The following IL1RAPL2 variants were observed in gnomAD, a reference collection of about 807,000 sequenced individuals.
The protein encoded by IL1RAPL2 is X-linked interleukin-1 receptor accessory protein-like 2.
A neutral mutation model predicts 44.1 loss-of-function variants in IL1RAPL2; 3 were observed. That is an observed-to-expected ratio of 0.07 (90% CI 0.03 to 0.18). The LOEUF (loss-of-function observed/expected upper bound fraction) is 0.18. IL1RAPL2 is among the 10% of genes least tolerant of loss of function. The pLI is 1.00. For missense variants in IL1RAPL2, 391 were observed against 496.4 expected (o/e 0.79, Z 2.02); for synonymous variants, 181 against 178.8 (o/e 1.01, Z -0.10).
intron 2 of IL1RAPL2, among the ~76,000 whole-genome samples, chrX:105,047,721 G>A (rs1378038810): frequency 9.0e-6 from 1 of 111,589 alleles, no homozygotes; most frequent in Non-Finnish European, 1.9e-5. Context: ...AAGCAGGCTA[G>A]GTAGTCTCCT....
intron 1 of IL1RAPL2, among the ~76,000 whole-genome samples, chrX:104,585,506 G>A (rs952486940): frequency 1.1e-5 from 1 of 88,515 alleles, no homozygotes; most frequent in Admixed American, 1.5e-4. Flanking sequence ...GTAAACTTGT[G>A]CCATGGAGGT....
In IL1RAPL2 at chrX:105,267,377, T is replaced by C; in HGVS notation, c.544-11T>C. ...CTATTTTTTGCTTACTTGCAAATATTTTATCTGCAGGAATGCAAGCCAAAA... is the reference window on the plus strand; with the variant it reads ...CTATTTTTTGCTTACTTGCAAATATCTTATCTGCAGGAATGCAAGCCAAAA... On this transcript the variant is annotated splice_polypyrimidine_tract_variant and intron_variant, in intron 4 of 10. Coordinates refer to ENST00000372582, the MANE Select transcript of IL1RAPL2 (RefSeq NM_017416.2). 8.4e-7 allele frequency: 1 copy of C among 1,190,733 alleles called. No homozygotes were observed. Among genetic ancestry groups the C allele is most frequent in the East Asian group, 3.0e-5 (1 of 33,354 alleles).
At chrX:105,347,460 C>T (rs1269666502) in intron 5 of IL1RAPL2, among the ~76,000 whole-genome samples, 1 of 111,335 alleles carries the variant, frequency 9.0e-6, no homozygotes, top group African/African-American at 3.3e-5. Context: ...GAGCTTTGCA[C>T]AGTGCCTAGT....
chrX:104,805,489 TTGAAA>T (rs954763112), intron 2 of IL1RAPL2, among the ~76,000 whole-genome samples: 6 of 111,864 alleles, frequency 5.4e-5, no homozygotes, highest in African/African-American at 2.0e-4. Context: ...AGTACATTTA[TTGAAA>T]TGAAATGAGT....
At chrX:105,271,172 T>A (rs2034443608) in intron 5 of IL1RAPL2, among the ~76,000 whole-genome samples, 1 of 112,377 alleles carries the variant, frequency 8.9e-6, no homozygotes, top group African/African-American at 3.2e-5. Flanking sequence ...TAGTTAGCTT[T>A]CTTTCTGCAT....
rs192568000 is a variant in IL1RAPL2 at position 104,731,681 on chromosome X, G to C, written c.82+72686G>C. Reference sequence around the variant, plus strand: ...GCCTCCCAAAGTGCTAGGATTAAAGGTGTGGGCCTTTAAAGGCGCCTGGCC... The same window carrying C: ...GCCTCCCAAAGTGCTAGGATTAAAGCTGTGGGCCTTTAAAGGCGCCTGGCC... On this transcript the variant is annotated intron_variant, in intron 2 of 10. Transcript: ENST00000372582. Among the ~76,000 whole-genome samples, 8 of 111,759 alleles carry C rather than the reference G, an allele frequency of 7.2e-5. No homozygotes were observed. In the East Asian group the frequency reaches 2.3e-3, roughly 32 times the overall value.
At chrX:105,270,418 G>A (rs1002004009) in intron 5 of IL1RAPL2, among the ~76,000 whole-genome samples, 32 of 111,524 alleles carry the variant, frequency 2.9e-4, no homozygotes, top group Non-Finnish European at 4.0e-4. Context: ...GGGTAAAAGC[G>A]ACTTCAACTA....
intron 2 of IL1RAPL2, among the ~76,000 whole-genome samples, chrX:105,166,250 C>T (rs772305834): frequency 9.0e-6 from 1 of 111,512 alleles, no homozygotes; most frequent in African/African-American, 3.3e-5. Context: ...GACAAAGGCC[C>T]ATATATTATT....
In IL1RAPL2 at chrX:104,579,423, A is replaced by G. The variant is rs1305942036; in HGVS notation, c.-20+12372A>G. ...GGAATACTATGCAGCCATAAAAAAG[A>G]ATGAAATCATGTCCTTTGCACCAAC... is the stretch of plus-strand genomic sequence containing the variant. On this transcript the variant is annotated intron_variant, in intron 1 of 10. Coordinates refer to ENST00000372582, the MANE Select transcript of IL1RAPL2 (RefSeq NM_017416.2). 3.6e-5 allele frequency among the ~76,000 whole-genome samples: 4 copies of G among 112,330 alleles called. No homozygotes were observed. The East Asian group carries it at 1.1e-3, about 32-fold the overall frequency.
intron 9 of IL1RAPL2, 91 bp downstream of exon 9, chrX:105,749,194 G>A (rs2038576485): frequency 1.1e-6 from 1 of 912,649 alleles, no homozygotes; most frequent in Non-Finnish European, 1.5e-6. Context: ...AGTATAAGCT[G>A]AAATATTTAG....
intron 2 of IL1RAPL2, among the ~76,000 whole-genome samples, chrX:105,094,955 C>A (rs2032587365): frequency 1.8e-5 from 2 of 110,916 alleles, no homozygotes; most frequent in Non-Finnish European, 3.8e-5. Context: ...GGATTGTTTT[C>A]TTAAATTCAT....
At chrX:104,772,520 G>C (rs768802765) in intron 2 of IL1RAPL2, among the ~76,000 whole-genome samples, 1 of 111,734 alleles carries the variant, frequency 8.9e-6, no homozygotes, top group East Asian at 2.8e-4. Flanking sequence ...TAAAGCTATC[G>C]GTTATTTGGT....
intron 5 of IL1RAPL2, among the ~76,000 whole-genome samples, chrX:105,305,798 T>C (rs772471235): frequency 2.8e-4 from 31 of 111,849 alleles, no homozygotes; most frequent in Non-Finnish European, 5.6e-4. Flanking sequence ...GAGCTTAGGA[T>C]ACAAAATTAA....
At chrX:104,825,922 A>G (rs1921437913) in intron 2 of IL1RAPL2, among the ~76,000 whole-genome samples, 1 of 111,459 alleles carries the variant, frequency 9.0e-6, no homozygotes, top group South Asian at 3.7e-4. Context: ...GTTCTTTGAC[A>G]TGTTTATGCA....
At chrX:105,035,081 G>T (rs2031602320) in intron 2 of IL1RAPL2, among the ~76,000 whole-genome samples, 1 of 111,646 alleles carries the variant, frequency 9.0e-6, no homozygotes, top group South Asian at 3.8e-4. Context: ...GTTTTTTTAA[G>T]CCCGTTGGAA....
rs370320178 is a variant in IL1RAPL2, at chrX:104,910,243, G to A, written c.82+251248G>A. ...ACGGTGCGCGCACCCACTGACCTGC[G>A]CCCACTGTCTGGCACTCTCTTGTGA... is the stretch of plus-strand genomic sequence containing the variant. On this transcript the variant is annotated intron_variant, in intron 2 of 10. Transcript: ENST00000372582. 2.7e-5 allele frequency among the ~76,000 whole-genome samples: 3 copies of A among 111,641 alleles called. No homozygotes were observed. In the East Asian group the frequency reaches 8.6e-4, roughly 32 times the overall value.
At chrX:105,118,880 G>A (rs1267880503) in intron 2 of IL1RAPL2, among the ~76,000 whole-genome samples, 4 of 111,943 alleles carry the variant, frequency 3.6e-5, no homozygotes, top group East Asian at 2.8e-4. Context: ...TAAAATGGGC[G>A]GGTGCTTCTG....
intron 2 of IL1RAPL2, among the ~76,000 whole-genome samples, chrX:104,744,231 C>A (rs146913986): frequency 9.0e-6 from 1 of 110,517 alleles, no homozygotes; most frequent in Non-Finnish European, 1.9e-5. Flanking sequence ...TAAGGATAAC[C>A]GCACTTCAGG....
In IL1RAPL2 at chrX:105,393,802, CA is replaced by C. The variant is rs746444186; in HGVS notation, c.698-90510del. 9.9e-4 allele frequency among the ~76,000 whole-genome samples: 110 copies of C among 111,562 alleles called. 1 individual carries two copies. The highest frequency in any genetic ancestry group is 3.4e-3 in the African/African-American group (106 of 30,805). On this transcript the variant is annotated intron_variant, in intron 5 of 10. Coordinates refer to ENST00000372582, the MANE Select transcript of IL1RAPL2 (RefSeq NM_017416.2). ...AAATACTTTTGAGTGTAAAAAAATA[CA>C]TATTACTATGCTAGGCACTTTGACA...
Sources: allele counts gnomAD v4.1 joint callset (sites outside exome capture counted in the v4.1 genomes callset), GRCh38; gene constraint gnomAD v4.1.1; transcripts MANE v1.5; gene names NCBI Gene and HGNC (gene_info 2026-07-23, HGNC 2026-07-21).